The following PRSS55 variants were observed in gnomAD, a reference collection of about 807,000 sequenced individuals.
PRSS55 encodes the protein serine protease 55, also known as probable serine protease UNQ9391/PRO34284.
In PRSS55, 41 loss-of-function variants were observed where a neutral mutation model predicts 23.6. That is an observed-to-expected ratio of 1.74 (90% CI 1.35 to 2.26). PRSS55 has a LOEUF of 2.26. Among genes scored for constraint, PRSS55 ranks in the 30% most tolerant of loss-of-function variants. The probability of loss-of-function intolerance (pLI) is 0.00; values close to 1 mark genes in which losing one functional copy is unlikely to be tolerated. For missense variants in PRSS55, 669 were observed against 439.1 expected (o/e 1.52, Z -4.68); for synonymous variants, 262 against 175.5 (o/e 1.49, Z -3.90).
chr8:10,553,810 T>C (rs1363675700), intron 4 of PRSS55: 1 of 585,072 alleles, frequency 1.7e-6, no homozygotes. Context: ...AAAAGCAATA[T>C]GTAAGGTGAT....
chr8:10,549,540 C>G (rs2117084388), intron 4 of PRSS55, among the ~76,000 whole-genome samples: 1 of 152,332 alleles, frequency 6.6e-6, no homozygotes, highest in Non-Finnish European at 1.5e-5. Context: ...CCAAGCCCTG[C>G]TAAATGTGAC....
chr8:10,529,163 C>T (rs1235126788), intron 1 of PRSS55, among the ~76,000 whole-genome samples: 1 of 152,204 alleles, frequency 6.6e-6, no homozygotes, highest in Non-Finnish European at 1.5e-5. Context: ...TTGTCCTGCC[C>T]ACCACGGGGG....
chr8:10,531,340 C>G lies in PRSS55; in HGVS notation c.393C>G (p.Ser131Arg), dbSNP rs755974585. The G allele has an allele frequency of 1.9e-5, 31 of 1,614,118 alleles. 1 individual carries two copies. The South Asian group carries it at 3.3e-4, about 17-fold the overall frequency. Residue 131 changes from serine to arginine, a missense_variant, in exon 3 of 5, where the codon AGC becomes AGG. By Grantham distance (110) the Ser-to-Arg change is moderately radical. Coordinates refer to ENST00000328655, the MANE Select transcript of PRSS55 (RefSeq NM_198464.4). ...SVVLGTNDLTSPSMEIKEVAS... is the reference protein window; with the variant it reads ...SVVLGTNDLTRPSMEIKEVAS... ...TGCTGGGGACCAACGACTTAACTAG[C>G]CCATCCATGGAAATAAAGGAGGTCG...
chr8:10,537,507 A>C (rs2117047482), intron 4 of PRSS55, among the ~76,000 whole-genome samples: 1 of 152,340 alleles, frequency 6.6e-6, no homozygotes, highest in Middle Eastern at 3.4e-3. Flanking sequence ...AAACACAGTT[A>C]GTTAGAATGA....
chr8:10,535,117 A>G (rs547569314), intron 4 of PRSS55, among the ~76,000 whole-genome samples: 31 of 152,366 alleles, frequency 2.0e-4, no homozygotes, highest in Admixed American at 5.9e-4. Context: ...GGAAGAATCA[A>G]TATCATTAAA....
intron 4 of PRSS55, among the ~76,000 whole-genome samples, chr8:10,538,020 T>C (rs925315621): frequency 1.3e-5 from 2 of 152,184 alleles, no homozygotes; most frequent in Non-Finnish European, 2.9e-5. Context: ...TAAAAAGGAA[T>C]GTCCTTCTCT....
intron 4 of PRSS55, among the ~76,000 whole-genome samples, chr8:10,535,328 C>G (rs1304707199): frequency 6.6e-6 from 1 of 152,202 alleles, no homozygotes; most frequent in Admixed American, 6.5e-5. Context: ...TACTACAGGG[C>G]TATGGTAACC....
At chr8:10,553,276 G>C (rs770301509) in intron 4 of PRSS55, among the ~76,000 whole-genome samples, 3 of 152,252 alleles carry the variant, frequency 2.0e-5, no homozygotes, top group Non-Finnish European at 4.4e-5. Flanking sequence ...AGTTTCCTGA[G>C]GCCTCTCCAG....
intron 4 of PRSS55, among the ~76,000 whole-genome samples, chr8:10,544,622 A>G (rs1399386446): frequency 2.0e-5 from 3 of 152,142 alleles, no homozygotes; most frequent in East Asian, 1.9e-4. Flanking sequence ...TGTCAAGTCA[A>G]TATTTTCTAG....
chr8:10,551,741 T>C (rs1024451925), intron 4 of PRSS55, among the ~76,000 whole-genome samples: 3 of 152,156 alleles, frequency 2.0e-5, no homozygotes, highest in African/African-American at 7.2e-5. Context: ...GGGGAGAAGC[T>C]CCCACCCCAT....
chr8:10,539,649 G>A (rs1585884997), downstream of PRSS55, among the ~76,000 whole-genome samples: 3 of 152,310 alleles, frequency 2.0e-5, 1 homozygote, highest in Middle Eastern at 0.01. Context: ...ATGGTAGTGA[G>A]TAAGTCTCAC....
intron 4 of PRSS55, among the ~76,000 whole-genome samples, chr8:10,549,938 T>C (rs551177439): frequency 6.6e-6 from 1 of 152,326 alleles, no homozygotes; most frequent in Admixed American, 6.5e-5. Context: ...TTTTTAATTT[T>C]TGAGACAGTC....
chr8:10,547,057 A>G (rs1433936517), intron 4 of PRSS55, among the ~76,000 whole-genome samples: 1 of 152,202 alleles, frequency 6.6e-6, no homozygotes, highest in Non-Finnish European at 1.5e-5. Context: ...AGCAGATGGC[A>G]GTGGGCAGGC....
intron 4 of PRSS55, among the ~76,000 whole-genome samples, chr8:10,534,735 G>C (rs890712986): frequency 6.6e-6 from 1 of 152,138 alleles, no homozygotes; most frequent in African/African-American, 2.4e-5. Flanking sequence ...GCAAGAAAAA[G>C]AAATGAAAGG....
intron 4 of PRSS55, among the ~76,000 whole-genome samples, chr8:10,546,287 C>T (rs1332141388): frequency 6.6e-6 from 1 of 152,182 alleles, no homozygotes; most frequent in Non-Finnish European, 1.5e-5. Flanking sequence ...CAAAGCCTGC[C>T]ATACACTGAA....
chr8:10,538,790 C>T lies in PRSS55; in HGVS notation c.1056C>T (p.Tyr352=). Residue 352 remains tyrosine (Y), a synonymous_variant, in exon 5 of 5, where the codon TAC becomes TAT. Transcript: ENST00000328655. ...ATGTGTTGTTCAGAGCTATTTTGTA[C>T]TGATAATAAAATAGAGGCTATTCTT... ...LSHVLFRAIL[Y] is the part of the protein sequence containing the mutation. 2 of 1,555,170 alleles carry T rather than the reference C, an allele frequency of 1.3e-6. No homozygotes were observed. Among genetic ancestry groups the T allele is most frequent in the Non-Finnish European group, 1.7e-6 (2 of 1,154,356 alleles).
At chr8:10,528,051 C>CTA (rs1279878246) in intron 1 of PRSS55, among the ~76,000 whole-genome samples, 2 of 152,022 alleles carry the variant, frequency 1.3e-5, no homozygotes, top group Non-Finnish European at 2.9e-5. Context: ...CCTGTCTCTA[C>CTA]TAAAAAATAC....
chr8:10,530,208 G>A (rs1185981629), intron 2 of PRSS55, among the ~76,000 whole-genome samples: 1 of 152,246 alleles, frequency 6.6e-6, no homozygotes, highest in Admixed American at 6.5e-5. Flanking sequence ...GGTGGCTCAC[G>A]CCTGTCATCC....
At chr8:10,529,347 A>G (rs927579926) in intron 1 of PRSS55, 160 bp from the exon 2 acceptor site, 2 of 710,108 alleles carry the variant, frequency 2.8e-6, no homozygotes, top group African/African-American at 1.8e-5. Context: ...GGCTGATGTC[A>G]CAAGGGCTGC....
Sources: allele counts gnomAD v4.1 joint callset (sites outside exome capture counted in the v4.1 genomes callset), GRCh38; gene constraint gnomAD v4.1.1; transcripts MANE v1.5; gene names NCBI Gene and HGNC (gene_info 2026-07-23, HGNC 2026-07-21).